C5: variants seen among roughly 807,000 people sequenced by gnomAD.
C5 encodes complement C5, also known as C3 and PZP-like alpha-2-macroglobulin domain-containing protein 4.
Under a neutral mutation model 218.8 loss-of-function variants are expected in C5, and 140 were observed. The observed-to-expected ratio is 0.64, with a 90% CI of 0.56 to 0.74. The LOEUF is 0.74. Ranked by LOEUF, C5 falls within the 30% of genes least tolerant of loss-of-function variation. The pLI, the probability that C5 is intolerant of heterozygous loss-of-function variation, is 0.00. For synonymous variants in C5, 614 were observed against 682.3 expected (o/e 0.90, Z 1.56); for missense variants, 1,700 against 1,969.6 (o/e 0.86, Z 2.59).
At chr9:121,016,527 C>T in intron 14 of C5, 144 bp from the exon 15 acceptor site, 1 of 1,064,426 alleles carries the variant, frequency 9.4e-7, no homozygotes, top group South Asian at 1.4e-5. Flanking sequence ...GACAAAATTT[C>T]CCAACTTTGT....
At chr9:120,955,020 T>C (rs2046774758) in intron 39 of C5, among the ~76,000 whole-genome samples, 1 of 152,218 alleles carries the variant, frequency 6.6e-6, no homozygotes. Flanking sequence ...AACAGGCAAC[T>C]ACCCTGGGCT....
intron 25 of C5, among the ~76,000 whole-genome samples, chr9:120,984,758 G>A (rs1385242357): frequency 9.6e-6 from 1 of 104,222 alleles, no homozygotes; most frequent in Admixed American, 1.6e-4. Flanking sequence ...CTCTCTCTCT[G>A]TTGCCCAGGC....
At chr9:121,039,926 C>T (rs933569516) in intron 3 of C5, among the ~76,000 whole-genome samples, 1 of 152,170 alleles carries the variant, frequency 6.6e-6, no homozygotes, top group Admixed American at 6.5e-5. Flanking sequence ...CATGAGCCAC[C>T]GCGCCCGGCC....
intron 25 of C5, among the ~76,000 whole-genome samples, chr9:120,985,142 G>A (rs898018580): frequency 1.3e-5 from 2 of 152,042 alleles, no homozygotes; most frequent in African/African-American, 2.4e-5. Flanking sequence ...AATACAATTC[G>A]CTCTAGCTTT....
At chr9:120,997,179 A>G (rs1485843118) in intron 21 of C5, among the ~76,000 whole-genome samples, 2 of 152,054 alleles carry the variant, frequency 1.3e-5, no homozygotes, top group African/African-American at 4.8e-5. Context: ...CATTTTCTGA[A>G]TGTATTAAGG....
intron 28 of C5, among the ~76,000 whole-genome samples, 175 bp from the exon 29 acceptor site, chr9:120,977,080 G>C (rs1449256259): frequency 6.6e-6 from 1 of 152,080 alleles, no homozygotes; most frequent in Non-Finnish European, 1.5e-5. Context: ...GGTATTACTT[G>C]TCTTTACACA....
intron 20 of C5, chr9:120,999,650 A>G: frequency 4.3e-6 from 1 of 230,702 alleles, no homozygotes; most frequent in Admixed American, 5.4e-5. Flanking sequence ...AAAAATCTTC[A>G]GAGGAATGTA....
rs748138024 is a variant in C5, at chr9:121,017,700, T to C, written c.1659A>G (p.Glu553=). The C allele has an allele frequency of 1.2e-5, 20 of 1,613,478 alleles. No homozygotes were observed. The highest frequency in any genetic ancestry group is 1.7e-5 in the Non-Finnish European group (20 of 1,179,638). The change falls in exon 13 of 41, where the codon GAA becomes GAG. Residue 553 remains glutamate, a synonymous_variant. Coordinates refer to ENST00000223642, the MANE Select transcript of C5 (RefSeq NM_001735.3). ...YYIVTGEQTA[E]LVSDSVWLNI... ...TTAACCAGACTGAATCAGACACTAATTCTGCTGTCTGTTCTCCTGTGACGA... is the reference window on the plus strand; with the variant it reads ...TTAACCAGACTGAATCAGACACTAACTCTGCTGTCTGTTCTCCTGTGACGA...
At chr9:120,999,990 C>T (rs532787387) in intron 20 of C5, 11 of 430,360 alleles carry the variant, frequency 2.6e-5, no homozygotes, top group African/African-American at 1.5e-4. Context: ...ACCTGGCAGG[C>T]GGAGCTTGCA....
intron 2 of C5, among the ~76,000 whole-genome samples, chr9:121,044,100 A>G (rs1208869053): frequency 6.6e-6 from 1 of 152,204 alleles, no homozygotes; most frequent in African/African-American, 2.4e-5. Context: ...AGTTTGGAAA[A>G]CAAGAAAAAT....
chr9:121,067,240 C>T, the C5 span, among the ~76,000 whole-genome samples: 1,971 of 151,618 alleles, frequency 0.013, 33 homozygotes, highest in African/African-American at 0.045. Flanking sequence ...TGCACTTCAG[C>T]CTGGGTGATA....
chr9:121,060,175 T>C, the C5 span, among the ~76,000 whole-genome samples: 1 of 152,334 alleles, frequency 6.6e-6, no homozygotes, highest in Non-Finnish European at 1.5e-5. Context: ...AATTAGCAAG[T>C]GTACTTTAAG....
chr9:121,037,478 A>G (rs948102173), intron 4 of C5, among the ~76,000 whole-genome samples: 1 of 151,566 alleles, frequency 6.6e-6, no homozygotes, highest in African/African-American at 2.4e-5. Flanking sequence ...TGCACCAGCT[A>G]ATTTTTTGTA....
At chr9:120,974,635 T>C in intron 30 of C5, 144 bp downstream of exon 30, 2 of 783,598 alleles carry the variant, frequency 2.6e-6, no homozygotes, top group Non-Finnish European at 4.4e-6. Flanking sequence ...GCCCAGGATA[T>C]AGCAGGCATC....
chr9:121,002,316 G>GTGTGTGTGTATATATATATATA lies in C5; in HGVS notation c.2562+3602_2562+3603insTATATATATATATACACACACA, dbSNP rs572345213. Among the ~76,000 whole-genome samples, 97 of 87,382 alleles carry GTGTGTGTGTATATATATATATA rather than the reference G, an allele frequency of 1.1e-3. 4 individuals carry two copies. Among genetic ancestry groups the GTGTGTGTGTATATATATATATA allele is most frequent in the Admixed American group, 7.8e-3 (58 of 7,466 alleles). 57.3% of individuals were successfully genotyped at this position (87,382 alleles called of 152,430 possible). On this transcript the variant is annotated intron_variant, in intron 20 of 40. Transcript: ENST00000223642. ...TATATATGTATATATATATGTGTGT[G>GTGTGTGTGTATATATATATATA]TATATATATATATATATATATATAT...
chr9:121,056,278 T>C, the C5 span, among the ~76,000 whole-genome samples: 97 of 152,328 alleles, frequency 6.4e-4, no homozygotes, highest in South Asian at 4.3e-3. Context: ...CATTGACCGA[T>C]CCTGGAGTGT....
chr9:120,971,260 A>C lies in C5; in HGVS notation c.4080+670T>G, dbSNP rs192778800. On this transcript the variant is annotated intron_variant, in intron 31 of 40. Coordinates refer to ENST00000223642, the MANE Select transcript of C5 (RefSeq NM_001735.3). ...TTTATGAATAACACATAAATCCCCC[A>C]AAATCCTGGATAAATGAGATGGGAT... Among the ~76,000 whole-genome samples, 869 of 151,836 alleles carry C rather than the reference A, an allele frequency of 5.7e-3. 2 individuals carry two copies. The highest frequency in any genetic ancestry group is 0.017 in the Middle Eastern group (5 of 294).
Position 121,036,372 on chromosome 9 carries a change from C to G in C5, c.493-1478G>C, listed in dbSNP as rs578163224. On this transcript the variant is annotated intron_variant, in intron 4 of 40. Transcript: ENST00000223642. ...TCTTTTCTTCCTGGGGCAGCTCTTA[C>G]AAGAGATGACTGACATTCATTTTTC... 3.3e-5 allele frequency among the ~76,000 whole-genome samples: 5 copies of G among 152,230 alleles called. No individual in the cohort carries two copies. In the East Asian group the frequency reaches 5.8e-4, roughly 18 times the overall value.
intron 18 of C5, 44 bp from the exon 19 acceptor site, chr9:121,007,021 T>C (rs1183079665): frequency 6.5e-6 from 9 of 1,381,976 alleles, no homozygotes; most frequent in Admixed American, 1.7e-5. Flanking sequence ...GGAATATTGA[T>C]TAACCCAACT....
Sources: allele counts gnomAD v4.1 joint callset (sites outside exome capture counted in the v4.1 genomes callset), GRCh38; gene constraint gnomAD v4.1.1; transcripts MANE v1.5; gene names NCBI Gene and HGNC (gene_info 2026-07-23, HGNC 2026-07-21).